Variants in WIZ observed in about 807,000 individuals in gnomAD.
WIZ encodes the protein protein Wiz.
In WIZ, 25 loss-of-function variants were observed where a neutral mutation model predicts 140.2. That is an observed-to-expected ratio of 0.18 (90% CI 0.13 to 0.25). WIZ has a LOEUF of 0.25. WIZ is among the 10% of genes least tolerant of loss of function. The probability of loss-of-function intolerance (pLI) is 1.00; values close to 1 mark genes in which losing one functional copy is unlikely to be tolerated. For synonymous variants in WIZ, 1,125 were observed against 1,154.3 expected (o/e 0.97, Z 0.51); for missense variants, 2,231 against 2,632.6 (o/e 0.85, Z 3.34).
At chr19:15,433,636 C>A (rs1969401268) in intron 5 of WIZ, among the ~76,000 whole-genome samples, 1 of 152,218 alleles carries the variant, frequency 6.6e-6, no homozygotes, top group Non-Finnish European at 1.5e-5. Flanking sequence ...ACCCCAGTGC[C>A]TCCTGCACCC....
At chr19:15,426,206 T>C (rs1255937984) in intron 9 of WIZ, among the ~76,000 whole-genome samples, 1 of 151,960 alleles carries the variant, frequency 6.6e-6, no homozygotes, top group African/African-American at 2.4e-5. Context: ...CAGTGTTACT[T>C]TGGGACGGTC....
intron 6 of WIZ, 89 bp downstream of exon 6, chr19:15,430,923 G>T (rs1216475596): frequency 2.3e-5 from 32 of 1,408,340 alleles, no homozygotes; most frequent in Non-Finnish European, 3.0e-5. Context: ...GCAACCTTGG[G>T]CCCCACATTA....
rs1484752916 is a variant in WIZ at position 15,442,125 on chromosome 19, T to G, written c.278+551A>C. ...TCGCTTGAACCCAGGAGGTGGAGGT[T>G]GCAGTGAGCCAAGATCACGCCACTG... On this transcript the variant is annotated intron_variant, in intron 3 of 12. Transcript: ENST00000673675. The surrounding 1 kb of genome is among the most constrained non-coding windows in gnomAD (Gnocchi z 5.5). Among the ~76,000 whole-genome samples, 1 of 151,560 alleles carries G rather than the reference T, an allele frequency of 6.6e-6. No homozygotes were observed. Among genetic ancestry groups the G allele is most frequent in the Non-Finnish European group, 1.5e-5 (1 of 67,958 alleles).
chr19:15,448,081 GC>G, intron 2 of WIZ, 21 bp downstream of exon 2: 1 of 1,610,898 alleles, frequency 6.2e-7, no homozygotes, highest in Non-Finnish European at 8.5e-7. Flanking sequence ...CTCCCTGGGG[GC>G]CACACGGCCC....
At chr19:15,429,278 A>G (rs931925829) in intron 7 of WIZ, among the ~76,000 whole-genome samples, 1 of 152,092 alleles carries the variant, frequency 6.6e-6, no homozygotes. Context: ...GCCCCTACCC[A>G]CAGGCCCAGA....
Sources: allele counts gnomAD v4.1 joint callset (sites outside exome capture counted in the v4.1 genomes callset), GRCh38; gene constraint gnomAD v4.1.1; non-coding constraint Gnocchi (gnomAD v3.1); transcripts MANE v1.5; gene names NCBI Gene and HGNC (gene_info 2026-07-23, HGNC 2026-07-21).